The following MEPE variants were observed in gnomAD, a reference collection of about 807,000 sequenced individuals.
MEPE encodes matrix extracellular phosphoglycoprotein.
A neutral mutation model predicts 7.3 loss-of-function variants in MEPE; 7 were observed. That is an observed-to-expected ratio of 0.95 (90% CI 0.54 to 1.79). MEPE has a LOEUF of 1.79. Ranked by LOEUF, MEPE falls within the 40% of genes most tolerant of loss-of-function variation. The pLI is 0.00. For missense variants in MEPE, 623 were observed against 628.2 expected (o/e 0.99, Z 0.09); for synonymous variants, 214 against 213.1 (o/e 1.00, Z -0.04).
chr4:87,843,859 C>T (rs1723105387), intron 3 of MEPE, among the ~76,000 whole-genome samples: 1 of 152,176 alleles, frequency 6.6e-6, no homozygotes, highest in Admixed American at 6.5e-5. Context: ...ACAAACATGG[C>T]TTACACCATA....
chr4:87,839,108 C>T (rs886837078), intron 3 of MEPE, among the ~76,000 whole-genome samples: 1 of 152,134 alleles, frequency 6.6e-6, no homozygotes, highest in Non-Finnish European at 1.5e-5. Context: ...ATTCTATGTC[C>T]GTGGAGTCAG....
At chr4:87,834,544 A>T (rs1722708818) in intron 1 of MEPE, among the ~76,000 whole-genome samples, 159 bp from the exon 2 acceptor site, 1 of 152,226 alleles carries the variant, frequency 6.6e-6, no homozygotes, top group South Asian at 2.1e-4. Context: ...ACACTCGGGT[A>T]TAAGCAAGTT....
chr4:87,832,710 G>A (rs916019228), upstream of MEPE, among the ~76,000 whole-genome samples: 4 of 152,162 alleles, frequency 2.6e-5, no homozygotes, highest in African/African-American at 4.8e-5. Context: ...CTAATTAGCA[G>A]TTCTGAAATC....
intron 1 of MEPE, among the ~76,000 whole-genome samples, chr4:87,826,764 C>T (rs114351868): frequency 2.0e-5 from 3 of 152,004 alleles, no homozygotes; most frequent in East Asian, 1.9e-4. Context: ...CTTTTTTTCA[C>T]GTATTTGCTG....
At chr4:87,824,397 T>C (rs866493924) in intron 1 of MEPE, among the ~76,000 whole-genome samples, 15 of 152,270 alleles carry the variant, frequency 9.9e-5, no homozygotes, top group African/African-American at 3.1e-4. Flanking sequence ...TACTTCTTGC[T>C]GTGCCTAGGT....
upstream of MEPE, among the ~76,000 whole-genome samples, chr4:87,832,735 G>A (rs1246068468): frequency 6.6e-6 from 1 of 152,154 alleles, no homozygotes; most frequent in Non-Finnish European, 1.5e-5. Context: ...TTGATTATCT[G>A]ACAACATGAT....
intron 3 of MEPE, among the ~76,000 whole-genome samples, chr4:87,843,041 T>C (rs973374527): frequency 6.6e-6 from 1 of 152,190 alleles, no homozygotes; most frequent in Admixed American, 6.5e-5. Flanking sequence ...TATCTTCATT[T>C]TTACATGTTA....
In MEPE at chr4:87,844,872, C is replaced by A. The variant is rs141409689; in HGVS notation, c.109-105C>A. ...TAAACCTCTATTGAGTTAATAGATC[C>A]TTTTTATTAAATATCTGGTGGATGG... On this transcript the variant is annotated intron_variant, in intron 3 of 3. Coordinates refer to ENST00000361056, the MANE Select transcript of MEPE (RefSeq NM_020203.6). The A allele has an allele frequency of 2.1e-5, 19 of 906,284 alleles. No homozygotes were observed. The East Asian group carries it at 5.1e-4, about 25-fold the overall frequency. The allele number at this position is 906,284 out of a possible 1,614,324, so 56.1% of individuals were successfully genotyped here. A position where few individuals can be genotyped will look rare whatever the true frequency, so the allele number is the denominator to read the frequency against.
chr4:87,829,551 C>T (rs35481967), upstream of MEPE, among the ~76,000 whole-genome samples: 36,098 of 152,016 alleles, frequency 0.24, 4,596 homozygotes, highest in Non-Finnish European at 0.27. Flanking sequence ...AAAAAATGAA[C>T]ATTTCCTAAG....
chr4:87,835,638 T>C (rs749476734), intron 2 of MEPE, among the ~76,000 whole-genome samples: 4 of 152,006 alleles, frequency 2.6e-5, no homozygotes, highest in Admixed American at 6.6e-5. Context: ...GTTGGGGAAA[T>C]GTGTTCCCTT....
At chr4:87,831,793 G>A (rs930614299), upstream of MEPE, among the ~76,000 whole-genome samples, 3 of 152,046 alleles carry the variant, frequency 2.0e-5, no homozygotes, top group South Asian at 4.1e-4. Flanking sequence ...CCTCTTCTCT[G>A]TTCCTGGAAC....
At chr4:87,837,290 T>C (rs965581875) in intron 2 of MEPE, among the ~76,000 whole-genome samples, 2 of 152,196 alleles carry the variant, frequency 1.3e-5, no homozygotes, top group African/African-American at 4.8e-5. Flanking sequence ...TACCCAACTC[T>C]AGAGATGCAG....
At position 87,846,602 on chromosome 4, in the gene MEPE, T is replaced by C. The variant is rs1423498042; in HGVS notation, c.*156T>C. ...CTGGTCTCCTTGGGGGAATTTTTGC[T>C]ATCTTAATAGTCACAGTATAAAATT... On this transcript the variant is annotated 3_prime_UTR_variant, in exon 4 of 4. Coordinates refer to ENST00000361056, the MANE Select transcript of MEPE (RefSeq NM_020203.6). 4.0e-6 allele frequency: 3 copies of C among 750,800 alleles called. No individual in the cohort carries two copies. In the African/African-American group the frequency reaches 5.3e-5, roughly 13 times the overall value. The allele number at this position is 750,800 out of a possible 1,614,324, so 46.5% of individuals were successfully genotyped here.
chr4:87,841,562 G>A (rs1723014133), intron 3 of MEPE, among the ~76,000 whole-genome samples: 1 of 152,004 alleles, frequency 6.6e-6, no homozygotes, highest in South Asian at 2.1e-4. Flanking sequence ...TAAAAGTAGA[G>A]GGCACTTCTA....
rs969423808 is a variant in MEPE, at chr4:87,845,523, A to G, written c.655A>G (p.Asn219Asp). The stretch of plus-strand genomic sequence containing the variant: ...CAAAAGCACCCATCGTATTCAACAC[A>G]ACATTGACTACCTAAAACATCTCTC... ...KSKSTHRIQHNIDYLKHLSKV... is the reference protein window; with the variant it reads ...KSKSTHRIQHDIDYLKHLSKV... Residue 219 changes from asparagine to aspartate, a missense_variant, in exon 4 of 4, where the codon AAC becomes GAC. Asn to Asp is a conservative substitution (Grantham distance 23). Coordinates refer to ENST00000361056, the MANE Select transcript of MEPE (RefSeq NM_020203.6). 7 of 1,612,790 alleles carry G rather than the reference A, an allele frequency of 4.3e-6. No homozygotes were observed. In the African/African-American group the frequency reaches 5.4e-5, roughly 12 times the overall value.
chr4:87,822,924 T>TG (rs1722371355), intron 1 of MEPE, among the ~76,000 whole-genome samples: 1 of 152,190 alleles, frequency 6.6e-6, no homozygotes, highest in Admixed American at 6.5e-5. Context: ...CTGCAGTCAA[T>TG]TCTGGTCCCA....
rs76589739 is a variant in MEPE at position 87,844,902 on chromosome 4, T to C, written c.109-75T>C. 1.4e-3 allele frequency: 1,566 copies of C among 1,118,812 alleles called. 12 individuals carry two copies. The African/African-American group carries it at 0.022, about 16-fold the overall frequency. 69.3% of individuals were successfully genotyped at this position (1,118,812 alleles called of 1,614,324 possible). A position where few individuals can be genotyped will look rare whatever the true frequency, so the allele number is the denominator to read the frequency against. ...TATTAAATATCTGGTGGATGGTTTT[T>C]ATATTGCCTAAGAATTATTATATTT... On this transcript the variant is annotated intron_variant, in intron 3 of 3. Coordinates refer to ENST00000361056, the MANE Select transcript of MEPE (RefSeq NM_020203.6).
At chr4:87,839,522 C>T (rs1023121782) in intron 3 of MEPE, among the ~76,000 whole-genome samples, 1 of 152,020 alleles carries the variant, frequency 6.6e-6, no homozygotes, top group African/African-American at 2.4e-5. Context: ...CTTCGGGAGC[C>T]GGCTGACACA....
chr4:87,845,890 T>A lies in MEPE; in HGVS notation c.1022T>A (p.Ile341Asn). ...DVSLVEGSND[I>N]MGSTNFKELP... is the part of the protein sequence containing the mutation. The stretch of plus-strand genomic sequence containing the variant: ...AGCCTTGTAGAGGGCAGCAACGATA[T>A]CATGGGTAGTACCAATTTTAAGGAG... The change falls in exon 4 of 4, where the codon ATC becomes AAC. Residue 341 changes from isoleucine to asparagine, a missense_variant. Physicochemically the swap from Ile to Asn is moderately radical, Grantham distance 149. Transcript: ENST00000361056. 2 of 1,613,990 alleles carry A rather than the reference T, an allele frequency of 1.2e-6. No individual in the cohort carries two copies. The highest frequency in any genetic ancestry group is 1.1e-5 in the South Asian group (1 of 91,076).
Sources: allele counts gnomAD v4.1 joint callset (sites outside exome capture counted in the v4.1 genomes callset), GRCh38; gene constraint gnomAD v4.1.1; transcripts MANE v1.5; gene names NCBI Gene and HGNC (gene_info 2026-07-23, HGNC 2026-07-21).